TMEM132D: variants seen among roughly 807,000 people sequenced by gnomAD.
TMEM132D encodes the protein transmembrane protein 132D.
TMEM132D carries 21 observed loss-of-function variants against 62.3 expected under a neutral mutation model. That is an observed-to-expected ratio of 0.34 (90% CI 0.24 to 0.49). The LOEUF (loss-of-function observed/expected upper bound fraction) is 0.49, where lower values mean the gene tolerates loss of function less well. TMEM132D is among the 20% of genes least tolerant of loss of function. TMEM132D has a pLI of 0.99. For synonymous variants in TMEM132D, 621 were observed against 575.6 expected, an observed-to-expected ratio of 1.08 and a Z score of -1.13; for missense variants, 1,346 against 1,402.8, an observed-to-expected ratio of 0.96 and a Z score of 0.65.
intron 2 of TMEM132D, among the ~76,000 whole-genome samples, chr12:129,586,101 C>T (rs1027915500): frequency 9.2e-5 from 14 of 152,240 alleles, no homozygotes; most frequent in Non-Finnish European, 2.1e-4. Flanking sequence ...GGCAGAGACA[C>T]GGCTATGTGT....
At chr12:129,668,559 A>G (rs1466069973) in intron 2 of TMEM132D, among the ~76,000 whole-genome samples, 1 of 152,056 alleles carries the variant, frequency 6.6e-6, no homozygotes, top group East Asian at 2.0e-4. Flanking sequence ...CGTGTTAAAC[A>G]CTGCTAAACC....
At chr12:129,285,350 C>G (rs56154178) in intron 4 of TMEM132D, among the ~76,000 whole-genome samples, 1 of 103,534 alleles carries the variant, frequency 9.7e-6, no homozygotes, top group Non-Finnish European at 2.0e-5. Flanking sequence ...GAAACCCTGT[C>G]TCCACTAAAA....
intron 4 of TMEM132D, among the ~76,000 whole-genome samples, chr12:129,289,279 C>T (rs1470441370): frequency 6.6e-6 from 1 of 152,076 alleles, no homozygotes; most frequent in Non-Finnish European, 1.5e-5. Context: ...CGCCATGGCT[C>T]ACACCTGTAA....
intron 4 of TMEM132D, among the ~76,000 whole-genome samples, chr12:129,217,180 A>G (rs968841940): frequency 2.6e-5 from 4 of 152,328 alleles, no homozygotes; most frequent in African/African-American, 9.6e-5. Context: ...AAACAAAAGC[A>G]TCAAAGTGCT....
At chr12:129,868,452 A>G (rs1441531813) in intron 1 of TMEM132D, among the ~76,000 whole-genome samples, 2 of 152,208 alleles carry the variant, frequency 1.3e-5, no homozygotes, top group Non-Finnish European at 1.5e-5. Flanking sequence ...TTGCTCAAGT[A>G]TATCTTCCAT....
At chr12:129,140,182 A>C (rs1028250646) in intron 5 of TMEM132D, among the ~76,000 whole-genome samples, 4 of 151,364 alleles carry the variant, frequency 2.6e-5, no homozygotes, top group African/African-American at 9.7e-5. Flanking sequence ...TGGTGTACTA[A>C]AATTTATCAA....
intron 2 of TMEM132D, among the ~76,000 whole-genome samples, chr12:129,617,420 A>T (rs903083239): frequency 6.6e-6 from 1 of 152,078 alleles, no homozygotes; most frequent in African/African-American, 2.4e-5. Flanking sequence ...CATCCATGAG[A>T]TGGTGTCTTA....
chr12:129,176,988 G>A (rs1215733459), intron 5 of TMEM132D, among the ~76,000 whole-genome samples: 3 of 152,220 alleles, frequency 2.0e-5, no homozygotes, highest in African/African-American at 2.4e-5. Context: ...CGTCTTGACC[G>A]CGCTTCAGGC....
chr12:129,162,394 T>C (rs1033227178), intron 5 of TMEM132D, among the ~76,000 whole-genome samples: 2 of 152,182 alleles, frequency 1.3e-5, no homozygotes, highest in Non-Finnish European at 2.9e-5. Flanking sequence ...ATGTCTGTTG[T>C]TTAAGCCACC....
At chr12:129,884,228 G>C (rs1319762764) in intron 1 of TMEM132D, among the ~76,000 whole-genome samples, 1 of 152,088 alleles carries the variant, frequency 6.6e-6, no homozygotes, top group Non-Finnish European at 1.5e-5. Context: ...CTAAGATATG[G>C]CAATATCAGT....
chr12:129,859,634 C>G (rs557743113), intron 1 of TMEM132D, among the ~76,000 whole-genome samples: 1 of 152,150 alleles, frequency 6.6e-6, no homozygotes, highest in Non-Finnish European at 1.5e-5. Context: ...CAGCTGCCAA[C>G]GCGGCTAGAA....
intron 1 of TMEM132D, among the ~76,000 whole-genome samples, chr12:129,810,763 G>A (rs531924650): frequency 9.2e-5 from 14 of 152,210 alleles, no homozygotes; most frequent in Non-Finnish European, 1.8e-4. Flanking sequence ...CTTTCAACGC[G>A]TTAATAGGTT....
chr12:129,401,425 T>C (rs12228114), intron 3 of TMEM132D, among the ~76,000 whole-genome samples: 38,835 of 151,900 alleles, frequency 0.26, 5,965 homozygotes, highest in East Asian at 0.75. Context: ...AAAAATTAGC[T>C]GAGCATGGTG....
chr12:129,191,791 A>C (rs1296416261), intron 5 of TMEM132D, among the ~76,000 whole-genome samples: 1 of 152,064 alleles, frequency 6.6e-6, no homozygotes, highest in Non-Finnish European at 1.5e-5. Flanking sequence ...ACACACACAC[A>C]CACGAAATAT....
At chr12:129,220,384 G>T (rs1280445410) in intron 4 of TMEM132D, among the ~76,000 whole-genome samples, 1 of 152,176 alleles carries the variant, frequency 6.6e-6, no homozygotes, top group East Asian at 1.9e-4. Context: ...CATCCAGTTG[G>T]CAGGGACTGG....
chr12:129,186,485 C>T (rs941834910), intron 5 of TMEM132D, among the ~76,000 whole-genome samples: 1 of 152,228 alleles, frequency 6.6e-6, no homozygotes, highest in Admixed American at 6.5e-5. Flanking sequence ...ACCCTCTATA[C>T]CATTCTCCAG....
chr12:129,821,854 G>A (rs1307284257), intron 1 of TMEM132D, among the ~76,000 whole-genome samples: 1 of 152,182 alleles, frequency 6.6e-6, no homozygotes, highest in Non-Finnish European at 1.5e-5. Context: ...GATTTAGGGA[G>A]TCATGAAGCC....
At chr12:129,759,540 T>A (rs1009312928) in intron 1 of TMEM132D, among the ~76,000 whole-genome samples, 1 of 152,232 alleles carries the variant, frequency 6.6e-6, no homozygotes, top group Non-Finnish European at 1.5e-5. Flanking sequence ...TTCAGTTTGC[T>A]TCTCTGTAAA....
At chr12:129,777,826 T>A (rs998275659) in intron 1 of TMEM132D, among the ~76,000 whole-genome samples, 1 of 151,992 alleles carries the variant, frequency 6.6e-6, no homozygotes, top group African/African-American at 2.4e-5. Context: ...ATTCAAAAAA[T>A]AAATTTTAAA....
Sources: allele counts gnomAD v4.1 joint callset (sites outside exome capture counted in the v4.1 genomes callset), GRCh38; gene constraint gnomAD v4.1.1; transcripts MANE v1.5; gene names NCBI Gene and HGNC (gene_info 2026-07-23, HGNC 2026-07-21).